The following ADAMTS15 variants were observed in gnomAD, a reference collection of about 807,000 sequenced individuals.
ADAMTS15 encodes A disintegrin and metalloproteinase with thrombospondin motifs 15.
ADAMTS15 carries 35 observed loss-of-function variants against 79.1 expected under a neutral mutation model. That is an observed-to-expected ratio of 0.44 (90% CI 0.34 to 0.59). ADAMTS15 has a LOEUF of 0.59. Among genes scored for constraint, ADAMTS15 ranks in the 20% least tolerant of loss-of-function variants. The pLI is 0.02. For missense variants in ADAMTS15, 1,324 were observed against 1,318.7 expected, an observed-to-expected ratio of 1.00 and a Z score of -0.06; for synonymous variants, 616 against 567.3, an observed-to-expected ratio of 1.09 and a Z score of -1.22.
chr11:130,471,515 C>T (rs1938458944), intron 7 of ADAMTS15, 132 bp downstream of exon 7: 2 of 960,300 alleles, frequency 2.1e-6, no homozygotes, highest in Non-Finnish European at 2.9e-6. Flanking sequence ...AGAGGCCACC[C>T]ATACCCTTCT....
chr11:130,469,094 G>A (rs1938368800), intron 4 of ADAMTS15, among the ~76,000 whole-genome samples, 168 bp from the exon 5 acceptor site: 1 of 152,136 alleles, frequency 6.6e-6, no homozygotes, highest in African/African-American at 2.4e-5. Flanking sequence ...TGGGCTTGGT[G>A]TGCACTGGCC....
Position 130,473,128 on chromosome 11 carries a change from C to G in ADAMTS15, c.2160C>G (p.Ile720Met), listed in dbSNP as rs61746092. 41 of 1,613,962 alleles carry G rather than the reference C, an allele frequency of 2.5e-5. No homozygotes were observed. In the South Asian group the frequency reaches 4.1e-4, roughly 16 times the overall value. Residue 720 changes from isoleucine (I) to methionine (M), a missense_variant, in exon 8 of 8, where the codon ATC becomes ATG. Coordinates refer to ENST00000299164, the MANE Select transcript of ADAMTS15 (RefSeq NM_139055.4). ...DIRQRGYKGL[I>M]GDDNYLALKN... ...GCCAGCGCGGTTACAAAGGGCTGAT[C>G]GGGGATGACAACTACCTGGCTCTGA... is the stretch of plus-strand genomic sequence containing the variant.
In ADAMTS15 at chr11:130,471,200, T is replaced by C. The variant is rs778890832; in HGVS notation, c.1903-8T>C. The C allele has an allele frequency of 1.3e-6, 2 of 1,590,946 alleles. No individual in the cohort carries two copies. Among genetic ancestry groups the C allele is most frequent in the Admixed American group, 3.5e-5 (2 of 56,948 alleles). On this transcript the variant is annotated splice_region_variant and splice_polypyrimidine_tract_variant and intron_variant, in intron 6 of 7. Transcript: ENST00000299164. ...CTTCCTTCTTTTTCCCCTTCTGGGG[T>C]GCTGCAGGTGGTGGACGGCACGCTG...
chr11:130,450,722 G>A (rs1937946402), intron 1 of ADAMTS15, among the ~76,000 whole-genome samples: 1 of 152,170 alleles, frequency 6.6e-6, no homozygotes, highest in Non-Finnish European at 1.5e-5. Flanking sequence ...CTGTATCCTT[G>A]CTGTCAGAGG....
chr11:130,454,553 A>G (rs756706512), intron 1 of ADAMTS15, among the ~76,000 whole-genome samples: 5 of 152,244 alleles, frequency 3.3e-5, no homozygotes, highest in South Asian at 2.1e-4. Flanking sequence ...TCATGATTTC[A>G]TTAGGATCTT....
intron 4 of ADAMTS15, among the ~76,000 whole-genome samples, chr11:130,469,001 C>T (rs1938366413): frequency 6.6e-6 from 1 of 150,944 alleles, no homozygotes; most frequent in Admixed American, 6.6e-5. Context: ...CACTCTACTG[C>T]CCAAAGAGGC....
rs1938497120 is a variant in ADAMTS15 at position 130,473,236 on chromosome 11, G to C, written c.2268G>C (p.Leu756=). The part of the protein sequence containing the change: ...VERDLVVKGS[L]LRYSGTGTAV... ...GGGACCTGGTGGTGAAGGGCAGTCT[G>C]CTGCGGTACAGCGGCACGGGCACAG... Residue 756 remains leucine (L), a synonymous_variant, in exon 8 of 8, where the codon CTG becomes CTC. Coordinates refer to ENST00000299164, the MANE Select transcript of ADAMTS15 (RefSeq NM_139055.4). 3 of 1,613,750 alleles carry C rather than the reference G, an allele frequency of 1.9e-6. No individual in the cohort carries two copies. The highest frequency in any genetic ancestry group is 2.2e-5 in the East Asian group (1 of 44,884).
In ADAMTS15 at chr11:130,450,076, C is replaced by T. The variant is rs1937931692; in HGVS notation, c.957+146C>T. The T allele has an allele frequency of 1.1e-5, 16 of 1,456,674 alleles. No homozygotes were observed. In the South Asian group the frequency reaches 1.8e-4, roughly 16 times the overall value. 90.2% of individuals were successfully genotyped at this position (1,456,674 alleles called of 1,614,324 possible). ...TTCCGACTCCAACTCTGTGGAGTTT[C>T]CAGGGAGAGCCCTCTCCCACGCTCC... On this transcript the variant is annotated intron_variant, in intron 1 of 7. Coordinates refer to ENST00000299164, the MANE Select transcript of ADAMTS15 (RefSeq NM_139055.4).
chr11:130,462,500 A>C lies in ADAMTS15; in HGVS notation c.1262A>C (p.Asp421Ala), dbSNP rs772953629. 2.0e-5 allele frequency: 32 copies of C among 1,587,376 alleles called. No homozygotes were observed. The highest frequency in any genetic ancestry group is 2.8e-5 in the Non-Finnish European group (32 of 1,162,080). Residue 421 changes from aspartate (D) to alanine (A), a missense_variant, in exon 4 of 8, where the codon GAC becomes GCC. Coordinates refer to ENST00000299164, the MANE Select transcript of ADAMTS15 (RefSeq NM_139055.4). The surrounding 1 kb of genome is among the most constrained non-coding windows in gnomAD (Gnocchi z 4.3). ...ITDFLDSGHG[D>A]CLLDQPSKPI... Reference sequence around the variant, plus strand: ...GAACGCCCTCGGCTCTCTGCAGGTGACTGCCTCCTGGACCAACCCAGCAAG... The same window carrying C: ...GAACGCCCTCGGCTCTCTGCAGGTGCCTGCCTCCTGGACCAACCCAGCAAG...
rs1202684650 is a variant in ADAMTS15, at chr11:130,476,546, C to T, written c.*2725C>T. The T allele has an allele frequency of 1.3e-5, 2 of 152,430 alleles. No individual in the cohort carries two copies. The highest frequency in any genetic ancestry group is 2.4e-5 in the African/African-American group (1 of 41,424). The allele number at this position is 152,430 out of a possible 1,614,324, so 9.4% of individuals were successfully genotyped here. On this transcript the variant is annotated 3_prime_UTR_variant, in exon 8 of 8. Transcript: ENST00000299164. Reference sequence around the variant, plus strand: ...ATGTACTGCAGAAGGATGGAAGGACCTGGGTGCTGGCTGGGCTGTGTATAC... The same window carrying T: ...ATGTACTGCAGAAGGATGGAAGGACTTGGGTGCTGGCTGGGCTGTGTATAC...
At chr11:130,457,880 A>T (rs77436551) in intron 1 of ADAMTS15, among the ~76,000 whole-genome samples, 1,769 of 152,260 alleles carry the variant, frequency 0.012, 31 homozygotes, top group African/African-American at 0.041. Context: ...TTCTGACCCC[A>T]TACAGCTGTG....
In ADAMTS15 at chr11:130,472,962, G is replaced by A; in HGVS notation, c.2079-85G>A. ...CATGCCAGAATTCACCGAAAGCTAG[G>A]TTTACTGAGGAAAACAGATCCTGGA... On this transcript the variant is annotated intron_variant, in intron 7 of 7. Transcript: ENST00000299164. This position sits in a 1 kb window ranked among gnomAD's most constrained non-coding sequence, Gnocchi z 4.7. The A allele has an allele frequency of 1.3e-6, 2 of 1,540,616 alleles. No homozygotes were observed. The highest frequency in any genetic ancestry group is 1.3e-5 in the South Asian group (1 of 79,488).
chr11:130,473,605 T>A lies in ADAMTS15; in HGVS notation c.2637T>A (p.Asp879Glu). Residue 879 changes from aspartate (D) to glutamate (E), a missense_variant, in exon 8 of 8, where the codon GAT becomes GAA. By Grantham distance (45) the Asp-to-Glu change is conservative (BLOSUM62 2). Transcript: ENST00000299164. ...SAGQRTVPACDAAHRPVETQA... is the reference protein window; with the variant it reads ...SAGQRTVPACEAAHRPVETQA... ...GGCAGCGCACGGTCCCTGCCTGTGA[T>A]GCAGCCCATCGGCCCGTGGAGACAC... 6.2e-7 allele frequency: 1 copy of A among 1,610,002 alleles called. No individual in the cohort carries two copies. The highest frequency in any genetic ancestry group is 8.5e-7 in the Non-Finnish European group (1 of 1,179,208).
In ADAMTS15 at chr11:130,473,309, G is replaced by A. The variant is rs538641006; in HGVS notation, c.2341G>A (p.Val781Met). The A allele has an allele frequency of 8.1e-6, 13 of 1,613,138 alleles. No individual in the cohort carries two copies. The highest frequency in any genetic ancestry group is 2.2e-5 in the South Asian group (2 of 91,088). Residue 781 changes from valine to methionine, a missense_variant, in exon 8 of 8, where the codon GTG becomes ATG. Transcript: ENST00000299164. ...CCGGCCCATCCTGGAGCCGCTGACC[G>A]TGGAGGTCCTCTCCGTGGGGAAGAT... ...ASRPILEPLTVEVLSVGKMTP... is the reference protein window; with the variant it reads ...ASRPILEPLTMEVLSVGKMTP...
At chr11:130,458,039 G>T (rs1938123661) in intron 1 of ADAMTS15, among the ~76,000 whole-genome samples, 1 of 152,068 alleles carries the variant, frequency 6.6e-6, no homozygotes, top group Non-Finnish European at 1.5e-5. Flanking sequence ...GTTGCTTCTG[G>T]CCAAGAAGGG....
intron 4 of ADAMTS15, among the ~76,000 whole-genome samples, chr11:130,463,128 C>T (rs997578912): frequency 3.3e-5 from 5 of 152,160 alleles, no homozygotes; most frequent in East Asian, 1.9e-4. Context: ...GTGTCAGGAG[C>T]GGCTCACTCG....
In ADAMTS15 at chr11:130,472,317, C is replaced by G. The variant is rs984865827; in HGVS notation, c.2079-730C>G. Among the ~76,000 whole-genome samples, 6 of 152,190 alleles carry G rather than the reference C, an allele frequency of 3.9e-5. No individual in the cohort carries two copies. Among genetic ancestry groups the G allele is most frequent in the Non-Finnish European group, 7.3e-5 (5 of 68,036 alleles). The stretch of plus-strand genomic sequence containing the variant: ...GAAGGGAGGATGCCCAGCCCTGTCT[C>G]TGGGAGCTCGGGCACCAGGGACGGA... On this transcript the variant is annotated intron_variant, in intron 7 of 7. Coordinates refer to ENST00000299164, the MANE Select transcript of ADAMTS15 (RefSeq NM_139055.4). The surrounding 1 kb of genome is among the most constrained non-coding windows in gnomAD (Gnocchi z 4.7).
At position 130,462,023 on chromosome 11, in the gene ADAMTS15, A is replaced by T; in HGVS notation, c.1091-64A>T. The T allele has an allele frequency of 1.1e-6, 1 of 943,068 alleles. No homozygotes were observed. The highest frequency in any genetic ancestry group is 1.6e-6 in the Non-Finnish European group (1 of 611,222). The allele number at this position is 943,068 out of a possible 1,614,324, so 58.4% of individuals were successfully genotyped here. A position where few individuals can be genotyped will look rare whatever the true frequency, so the allele number is the denominator to read the frequency against. ...ATGGGCTTTCTAGTTCCCCTGCCCC[A>T]TTCCTCCCTCCAACCCCCATGTCCT... On this transcript the variant is annotated intron_variant, in intron 2 of 7. Coordinates refer to ENST00000299164, the MANE Select transcript of ADAMTS15 (RefSeq NM_139055.4). This position sits in a 1 kb window ranked among gnomAD's most constrained non-coding sequence, Gnocchi z 4.3.
At chr11:130,456,423 T>C (rs1206089116) in intron 1 of ADAMTS15, among the ~76,000 whole-genome samples, 11 of 152,306 alleles carry the variant, frequency 7.2e-5, no homozygotes, top group African/African-American at 2.6e-4. Context: ...GCCAGTGAAA[T>C]AGAATCTGCC....
Sources: gnomAD v4.1 joint callset for allele counts (sites outside exome capture counted in the v4.1 genomes callset) on GRCh38, gnomAD v4.1.1 for gene constraint, Gnocchi (gnomAD v3.1) non-coding constraint, MANE v1.5 for transcripts, NCBI Gene and HGNC (gene_info 2026-07-23, HGNC 2026-07-21) for gene names.